Variants in MBTPS1 observed in about 807,000 individuals in gnomAD.
The protein encoded by MBTPS1 is membrane bound transcription factor peptidase, site 1, also known as membrane-bound transcription factor site-1 protease.
Under a neutral mutation model 127.8 loss-of-function variants are expected in MBTPS1, and 94 were observed. The ratio of observed to expected loss-of-function variants is 0.74; its 90% CI spans 0.62 to 0.87. The LOEUF is 0.87. Among genes scored for constraint, MBTPS1 ranks in the 40% least tolerant of loss-of-function variants. The probability of loss-of-function intolerance (pLI) is 0.00; values close to 1 mark genes in which losing one functional copy is unlikely to be tolerated. For synonymous variants in MBTPS1, 632 were observed against 509.4 expected (o/e 1.24, Z -3.24); for missense variants, 1,636 against 1,353.2 (o/e 1.21, Z -3.28).
In MBTPS1 at chr16:84,070,604, G is replaced by A. The variant is rs1312692610; in HGVS notation, c.1766C>T (p.Ser589Phe). The A allele has an allele frequency of 1.9e-6, 3 of 1,612,102 alleles. No individual in the cohort carries two copies. The highest frequency in any genetic ancestry group is 2.5e-6 in the Non-Finnish European group (3 of 1,179,740). ...AQGHVMITVASPAETESKNGA... is the reference protein window; with the variant it reads ...AQGHVMITVAFPAETESKNGA... ...TATCCCTACCTCTGTCTCTGCTGGGGAAGCCACAGTGATCATGACATGGCC... is the reference window on the plus strand; with the variant it reads ...TATCCCTACCTCTGTCTCTGCTGGGAAAGCCACAGTGATCATGACATGGCC... Residue 589 changes from serine (S) to phenylalanine (F), a missense_variant, in exon 13 of 23, where the codon TCC becomes TTC. Coordinates refer to ENST00000343411, the MANE Select transcript of MBTPS1 (RefSeq NM_003791.4).
In MBTPS1 at chr16:84,087,572, T is replaced by C. The variant is rs560683223; in HGVS notation, c.1032-112A>G. On this transcript the variant is annotated intron_variant, in intron 8 of 22. Coordinates refer to ENST00000343411, the MANE Select transcript of MBTPS1 (RefSeq NM_003791.4). ...GAATACTCCCAGAACAATCTAACAC[T>C]GTATGAGCTGCTTCTGTGGGAAGAC... 7.5e-6 allele frequency: 5 copies of C among 669,970 alleles called. No homozygotes were observed. In the South Asian group the frequency reaches 9.4e-5, roughly 13 times the overall value. The allele number at this position is 669,970 out of a possible 1,614,324, so 41.5% of individuals were successfully genotyped here.
At chr16:84,103,497 C>T (rs2086285284) in intron 1 of MBTPS1, among the ~76,000 whole-genome samples, 1 of 152,078 alleles carries the variant, frequency 6.6e-6, no homozygotes, top group South Asian at 2.1e-4. Flanking sequence ...GGTGATCCAG[C>T]CACCTTGGCC....
chr16:84,072,315 G>T (rs931345448), intron 12 of MBTPS1, among the ~76,000 whole-genome samples: 2 of 152,088 alleles, frequency 1.3e-5, no homozygotes, highest in South Asian at 4.2e-4. Flanking sequence ...GCTGGTGGAA[G>T]GAAGAAGGAG....
chr16:84,062,576 G>C (rs377449556), intron 19 of MBTPS1, among the ~76,000 whole-genome samples: 4 of 152,120 alleles, frequency 2.6e-5, no homozygotes, highest in Non-Finnish European at 5.9e-5. Context: ...CCTGTGCCTC[G>C]AGTTCCCCAG....
chr16:84,055,588 G>A (rs2085510393), intron 22 of MBTPS1, among the ~76,000 whole-genome samples: 1 of 152,220 alleles, frequency 6.6e-6, no homozygotes, highest in Admixed American at 6.5e-5. Context: ...GCAGAGAACT[G>A]AAGGGGCCTT....
chr16:84,072,555 G>A (rs2085785864), intron 12 of MBTPS1, among the ~76,000 whole-genome samples: 1 of 152,178 alleles, frequency 6.6e-6, no homozygotes, highest in African/African-American at 2.4e-5. Context: ...ACTTTGGGAG[G>A]GCAAGGCGGG....
intron 3 of MBTPS1, among the ~76,000 whole-genome samples, 153 bp downstream of exon 3, chr16:84,098,895 AAAACT>A (rs2086215578): frequency 1.3e-5 from 2 of 152,134 alleles, no homozygotes; most frequent in African/African-American, 4.8e-5. Flanking sequence ...CGCACTAAAC[AAAACT>A]AAACTAAAAA....
At position 84,087,473 on chromosome 16, in the gene MBTPS1, CAAAA is replaced by C. The variant is rs5818481; in HGVS notation, c.1032-17_1032-14del. Reference sequence around the variant, plus strand: ...GTTATTCAGAGTGCTATATTGAGACCAAAAAAAAAAAAAAAGAAAAGAAAAAGAA... The same window carrying C: ...GTTATTCAGAGTGCTATATTGAGACCAAAAAAAAAAAGAAAAGAAAAAGAA... On this transcript the variant is annotated splice_polypyrimidine_tract_variant and intron_variant, in intron 8 of 22. Coordinates refer to ENST00000343411, the MANE Select transcript of MBTPS1 (RefSeq NM_003791.4). 1,800 of 1,031,600 alleles carry C rather than the reference CAAAA, an allele frequency of 1.7e-3. No homozygotes were observed. Among genetic ancestry groups the C allele is most frequent in the South Asian group, 2.0e-3 (131 of 65,670 alleles). The allele number at this position is 1,031,600 out of a possible 1,614,324, so 63.9% of individuals were successfully genotyped here.
intron 10 of MBTPS1, among the ~76,000 whole-genome samples, chr16:84,084,625 C>G (rs1054467669): frequency 6.6e-6 from 1 of 152,120 alleles, no homozygotes; most frequent in Non-Finnish European, 1.5e-5. Flanking sequence ...AGGGAAATAT[C>G]TTACTATTTG....
At chr16:84,085,270 T>G (rs919800391) in intron 9 of MBTPS1, 136 bp from the exon 10 acceptor site, 6 of 906,650 alleles carry the variant, frequency 6.6e-6, no homozygotes, top group Middle Eastern at 6.4e-4. Context: ...CTGGTTTTAG[T>G]CTGAAATTCA....
chr16:84,089,930 C>A (rs2086080481), intron 8 of MBTPS1, among the ~76,000 whole-genome samples: 1 of 152,170 alleles, frequency 6.6e-6, no homozygotes, highest in Non-Finnish European at 1.5e-5. Flanking sequence ...TTTGTCATGG[C>A]AGAGCTATAG....
chr16:84,092,300 A>G (rs1438700401), intron 6 of MBTPS1, among the ~76,000 whole-genome samples: 1 of 152,236 alleles, frequency 6.6e-6, no homozygotes, highest in Non-Finnish European at 1.5e-5. Context: ...ATTTCACAGT[A>G]TTAGTCTTCT....
At chr16:84,109,810 T>A (rs902163227) in intron 1 of MBTPS1, among the ~76,000 whole-genome samples, 1 of 152,226 alleles carries the variant, frequency 6.6e-6, no homozygotes. Flanking sequence ...CAAGTAAGCC[T>A]GCCCGTGGAT....
At chr16:84,063,519 C>A in intron 18 of MBTPS1, 74 bp from the exon 19 acceptor site, 1 of 1,392,198 alleles carries the variant, frequency 7.2e-7, no homozygotes, top group Non-Finnish European at 9.9e-7. Context: ...GATATTTCAT[C>A]CACGTGACAA....
intron 11 of MBTPS1, among the ~76,000 whole-genome samples, chr16:84,079,938 C>T (rs1221439561): frequency 6.6e-6 from 1 of 152,136 alleles, no homozygotes; most frequent in African/African-American, 2.4e-5. Flanking sequence ...ACCCCGAGTG[C>T]CCAGGTCTTG....
intron 7 of MBTPS1, 148 bp downstream of exon 7, chr16:84,091,584 C>G: frequency 1.7e-6 from 1 of 589,558 alleles, no homozygotes; most frequent in Non-Finnish European, 3.1e-6. Context: ...ACATGCAAAT[C>G]ACTGAAGCTC....
intron 21 of MBTPS1, 32 bp downstream of exon 21, chr16:84,059,270 G>A (rs749274560): frequency 1.0e-5 from 16 of 1,593,746 alleles, no homozygotes; most frequent in Middle Eastern, 1.7e-4. Context: ...AAGCCCCGTG[G>A]AAAGAGTGGA....
At position 84,070,746 on chromosome 16, in the gene MBTPS1, C is replaced by T. The variant is rs764785080; in HGVS notation, c.1624G>A (p.Gly542Arg). 1.1e-5 allele frequency: 17 copies of T among 1,612,620 alleles called. No homozygotes were observed. Among genetic ancestry groups the T allele is most frequent in the East Asian group, 4.5e-5 (2 of 44,842 alleles). ...PDWQPYLPQNGDNIEVAFSYS... is the reference protein window; with the variant it reads ...PDWQPYLPQNRDNIEVAFSYS... The stretch of plus-strand genomic sequence containing the variant: ...GAGAAGGCAACTTCAATGTTGTCTC[C>T]GTTCTGTGGCAAATAGGGCTGCCAG... Residue 542 changes from glycine to arginine, a missense_variant, in exon 13 of 23, where the codon GGA (glycine) becomes AGA (arginine). Physicochemically the swap from Gly to Arg is moderately radical, Grantham distance 125. Coordinates refer to ENST00000343411, the MANE Select transcript of MBTPS1 (RefSeq NM_003791.4).
chr16:84,059,297 C>A lies in MBTPS1; in HGVS notation c.2831+5G>T, dbSNP rs377109607. On this transcript the variant is annotated splice_donor_5th_base_variant and intron_variant, in intron 21 of 22. Transcript: ENST00000343411. ...AAGAGTGGAAGGGCACAGGCGGACA[C>A]TAACCTGGGCGCCGTCTCGTTTAAA... is the stretch of plus-strand genomic sequence containing the variant. The A allele has an allele frequency of 5.5e-5, 89 of 1,612,590 alleles. No individual in the cohort carries two copies. The highest frequency in any genetic ancestry group is 7.4e-5 in the Non-Finnish European group (87 of 1,178,886).
Sources: allele counts gnomAD v4.1 joint callset (sites outside exome capture counted in the v4.1 genomes callset), GRCh38; gene constraint gnomAD v4.1.1; transcripts MANE v1.5; gene names NCBI Gene and HGNC (gene_info 2026-07-23, HGNC 2026-07-21).